ANAPC7: variants seen among roughly 807,000 people sequenced by gnomAD.
The protein encoded by ANAPC7 is anaphase-promoting complex subunit 7.
Under a neutral mutation model 63.3 loss-of-function variants are expected in ANAPC7, and 25 were observed. That is an observed-to-expected ratio of 0.39 (90% CI 0.29 to 0.55). ANAPC7 has a LOEUF of 0.55. Ranked by LOEUF, ANAPC7 falls within the 20% of genes least tolerant of loss-of-function variation. The pLI is 0.57. For synonymous variants in ANAPC7, 241 were observed against 251.7 expected (o/e 0.96, Z 0.40); for missense variants, 516 against 691.7 (o/e 0.75, Z 2.85).
At chr12:110,392,442 A>G (rs1883180367) in intron 3 of ANAPC7, among the ~76,000 whole-genome samples, 1 of 152,208 alleles carries the variant, frequency 6.6e-6, no homozygotes. Context: ...AGCACTAACT[A>G]AAATACACCA....
intron 1 of ANAPC7, 117 bp from the exon 2 acceptor site, chr12:110,396,569 G>A: frequency 1.3e-6 from 1 of 786,350 alleles, no homozygotes; most frequent in Non-Finnish European, 1.9e-6. Context: ...GGAGTGCAGT[G>A]GCACGATCTC....
intron 10 of ANAPC7, among the ~76,000 whole-genome samples, chr12:110,374,977 T>C (rs1223073123): frequency 1.3e-5 from 2 of 151,678 alleles, no homozygotes; most frequent in South Asian, 2.1e-4. Context: ...CTAAGCAATC[T>C]TTCCTCTTGC....
chr12:110,402,762 C>T (rs1248158789), intron 1 of ANAPC7, among the ~76,000 whole-genome samples: 7 of 151,900 alleles, frequency 4.6e-5, no homozygotes, highest in East Asian at 1.9e-4. Flanking sequence ...TTGAGACAGG[C>T]AGTCGTTCTG....
At chr12:110,396,013 T>C (rs534562353) in intron 2 of ANAPC7, among the ~76,000 whole-genome samples, 161 of 152,278 alleles carry the variant, frequency 1.1e-3, no homozygotes, top group African/African-American at 3.6e-3. Context: ...CAGATTATAA[T>C]AAGGAACACA....
At chr12:110,376,373 T>A (rs998059808) in intron 9 of ANAPC7, among the ~76,000 whole-genome samples, 157 bp from the exon 10 acceptor site, 1 of 151,832 alleles carries the variant, frequency 6.6e-6, no homozygotes, top group African/African-American at 2.4e-5. Flanking sequence ...AAATTTTCCA[T>A]CCTGGCTAAC....
At chr12:110,388,974 C>T (rs545600187) in intron 3 of ANAPC7, among the ~76,000 whole-genome samples, 5 of 150,446 alleles carry the variant, frequency 3.3e-5, no homozygotes, top group African/African-American at 1.2e-4. Context: ...CCCAGCTACT[C>T]GGGAGGCTGA....
At chr12:110,398,590 TA>T (rs2062177190) in intron 1 of ANAPC7, among the ~76,000 whole-genome samples, 1 of 152,218 alleles carries the variant, frequency 6.6e-6, no homozygotes, top group Non-Finnish European at 1.5e-5. Context: ...GAGGAACTCA[TA>T]TTTTCAACCT....
rs112552996 is a variant in ANAPC7, at chr12:110,391,731, G to A, written c.409-3108C>T. Reference sequence around the variant, plus strand: ...AAAAAAGTCCTACAAATATCCACAGGTCATTATGAAGGAGATTATGGTATA... The same window carrying A: ...AAAAAAGTCCTACAAATATCCACAGATCATTATGAAGGAGATTATGGTATA... On this transcript the variant is annotated intron_variant, in intron 3 of 10. Transcript: ENST00000455511. 8.3e-3 allele frequency among the ~76,000 whole-genome samples: 1,270 copies of A among 152,262 alleles called. 9 individuals are homozygous for A. Among genetic ancestry groups the A allele is most frequent in the Non-Finnish European group, 0.015 (1,021 of 68,028 alleles).
intron 1 of ANAPC7, among the ~76,000 whole-genome samples, chr12:110,401,950 C>CAAAAA (rs747810973): frequency 3.0e-4 from 14 of 46,120 alleles, no homozygotes; most frequent in Admixed American, 4.8e-4. Context: ...GACTCCGTCT[C>CAAAAA]AAAAAAAAAA....
chr12:110,394,355 G>C (rs1420675689), intron 3 of ANAPC7, among the ~76,000 whole-genome samples: 1 of 151,688 alleles, frequency 6.6e-6, no homozygotes, highest in African/African-American at 2.4e-5. Flanking sequence ...GGCCAGGTGC[G>C]GTGGCTCCCG....
chr12:110,382,734 C>T, intron 7 of ANAPC7, 109 bp downstream of exon 7: 2 of 891,616 alleles, frequency 2.2e-6, no homozygotes, highest in Non-Finnish European at 3.5e-6. Context: ...CATGCCTGTC[C>T]AGGTGATTAC....
intron 1 of ANAPC7, among the ~76,000 whole-genome samples, chr12:110,397,906 AAAG>A (rs997151609): frequency 6.6e-6 from 1 of 151,674 alleles, no homozygotes; most frequent in African/African-American, 2.4e-5. Context: ...TTAAAAAAAA[AAAG>A]ATCGGGAAAG....
chr12:110,396,149 C>T, intron 2 of ANAPC7, 117 bp downstream of exon 2: 1 of 877,882 alleles, frequency 1.1e-6, no homozygotes, highest in African/African-American at 1.7e-5. Context: ...CACCCACCTC[C>T]TGCTGTGCAG....
intron 2 of ANAPC7, 92 bp from the exon 3 acceptor site, chr12:110,395,312 G>T: frequency 7.9e-7 from 1 of 1,265,844 alleles, no homozygotes; most frequent in Non-Finnish European, 1.1e-6. Flanking sequence ...ATATGACCCA[G>T]CAATTCTTTT....
chr12:110,375,813 T>A (rs954974371), intron 10 of ANAPC7: 1 of 1,164,188 alleles, frequency 8.6e-7, no homozygotes, highest in African/African-American at 1.6e-5. Flanking sequence ...AGATGAGCTA[T>A]ACAAATGAAC....
chr12:110,398,726 G>A (rs989546983), intron 1 of ANAPC7, among the ~76,000 whole-genome samples: 3 of 152,130 alleles, frequency 2.0e-5, no homozygotes, highest in African/African-American at 4.8e-5. Context: ...GTGAGGCCAA[G>A]GTGGGTGGAT....
intron 3 of ANAPC7, 99 bp downstream of exon 3, chr12:110,395,002 T>C (rs1883447505): frequency 2.2e-6 from 3 of 1,385,540 alleles, no homozygotes; most frequent in Non-Finnish European, 2.9e-6. Flanking sequence ...GAATCATGGG[T>C]AAAATGTTCA....
intron 6 of ANAPC7, among the ~76,000 whole-genome samples, chr12:110,383,530 G>A (rs1882135796): frequency 6.6e-6 from 1 of 152,116 alleles, no homozygotes; most frequent in Non-Finnish European, 1.5e-5. Context: ...CCTGGGCCCA[G>A]GAGTTCAAGA....
At chr12:110,380,736 C>T (rs1323775317) in intron 8 of ANAPC7, among the ~76,000 whole-genome samples, 8 of 150,658 alleles carry the variant, frequency 5.3e-5, no homozygotes, top group Admixed American at 4.0e-4. Context: ...GGGCGGATCA[C>T]GAGGTCAGAA....
Sources: gnomAD v4.1 joint callset for allele counts (sites outside exome capture counted in the v4.1 genomes callset) on GRCh38, gnomAD v4.1.1 for gene constraint, MANE v1.5 for transcripts, NCBI Gene and HGNC (gene_info 2026-07-23, HGNC 2026-07-21) for gene names.